ZNF782: variants seen among roughly 807,000 people sequenced by gnomAD.
The protein encoded by ZNF782 is zinc finger protein 782.
A neutral mutation model predicts 13.0 loss-of-function variants in ZNF782; 12 were observed. The observed-to-expected ratio is 0.92, with a 90% CI of 0.59 to 1.50. ZNF782 has a LOEUF of 1.50. Ranked by LOEUF, ZNF782 falls within the 40% of genes most tolerant of loss-of-function variation. ZNF782 has a pLI of 0.00. For synonymous variants in ZNF782, 284 were observed against 283.0 expected, an observed-to-expected ratio of 1.00 and a Z score of -0.04; for missense variants, 770 against 822.9, an observed-to-expected ratio of 0.94 and a Z score of 0.79.
At chr9:96,930,775 G>T in the ZNF782 span, among the ~76,000 whole-genome samples, 1 of 150,628 alleles carries the variant, frequency 6.6e-6, no homozygotes, top group African/African-American at 2.5e-5. Context: ...ACTTGTGTGG[G>T]TGGTGCCAGG....
chr9:96,881,223 G>C, the ZNF782 span, among the ~76,000 whole-genome samples: 1 of 151,800 alleles, frequency 6.6e-6, no homozygotes, highest in Non-Finnish European at 1.5e-5. Context: ...CACAACTTTT[G>C]GGTTGATTTC....
chr9:96,858,400 C>T (rs917144926), upstream of ZNF782, among the ~76,000 whole-genome samples: 7 of 152,170 alleles, frequency 4.6e-5, no homozygotes, highest in African/African-American at 1.4e-4. This position sits in a 1 kb window ranked among gnomAD's most constrained non-coding sequence, Gnocchi z 4.4. Context: ...ACTTTGGGGT[C>T]CTTGAGTTAC....
the ZNF782 span, among the ~76,000 whole-genome samples, chr9:96,911,931 G>A: frequency 3.9e-5 from 6 of 151,970 alleles, 1 homozygote; most frequent in South Asian, 2.1e-4. Context: ...CTGGCATGGC[G>A]GCTCACGCCT....
At chr9:96,833,470 G>A (rs575708388) in intron 4 of ZNF782, among the ~76,000 whole-genome samples, 3 of 152,202 alleles carry the variant, frequency 2.0e-5, no homozygotes, top group South Asian at 4.2e-4. Flanking sequence ...CTTCAGTTTT[G>A]GTTTATCTGA....
chr9:96,819,344 T>C lies in ZNF782; in HGVS notation c.679A>G (p.Lys227Glu). 6.2e-7 allele frequency: 1 copy of C among 1,600,982 alleles called. No homozygotes were observed. The highest frequency in any genetic ancestry group is 8.5e-7 in the Non-Finnish European group (1 of 1,175,534). Residue 227 changes from lysine to glutamate, a missense_variant, in exon 6 of 6, where the codon AAG becomes GAG. Lys to Glu is a moderately conservative substitution (Grantham distance 56). Transcript: ENST00000481138. ...YNESRKAFLE[K>E]AALVTSNSTH... is the part of the protein sequence containing the mutation. ...CTGTTAGATGTAACAAGGGCAGCCT[T>C]TTCAAGAAAAGCTTTTCTACTTTCA...
At chr9:96,861,707 G>C (rs759445745) in intron 1 of ZNF782, 6 of 154,168 alleles carry the variant, frequency 3.9e-5, no homozygotes, top group Non-Finnish European at 8.8e-5. Flanking sequence ...CAAAATTACA[G>C]TGAGGGATCA....
intron 4 of ZNF782, among the ~76,000 whole-genome samples, chr9:96,830,663 T>C (rs1850770823): frequency 6.6e-6 from 1 of 152,148 alleles, no homozygotes; most frequent in Non-Finnish European, 1.5e-5. Context: ...GATCTTATAA[T>C]TTCCAAATAG....
chr9:96,913,848 G>A, the ZNF782 span, among the ~76,000 whole-genome samples: 1 of 145,840 alleles, frequency 6.9e-6, no homozygotes, highest in Admixed American at 7.0e-5. Context: ...TTCTCCTAAG[G>A]TAAAAAAATG....
At chr9:96,872,015 T>A (rs576925998) in intron 1 of ZNF782, among the ~76,000 whole-genome samples, 1 of 152,198 alleles carries the variant, frequency 6.6e-6, no homozygotes, top group Non-Finnish European at 1.5e-5. Flanking sequence ...GATGATCTAA[T>A]ACATTTTATT....
chr9:96,877,997 GCTTGGCAA>G (rs1345019476), upstream of ZNF782, among the ~76,000 whole-genome samples: 1 of 152,158 alleles, frequency 6.6e-6, no homozygotes, highest in African/African-American at 2.4e-5. Flanking sequence ...TTTGTAGTAA[GCTTGGCAA>G]CTTGGCAACT....
At position 96,816,383 on chromosome 9, in the gene ZNF782, CAT is replaced by C. The variant is rs1469685991; in HGVS notation, c.*1538_*1539del. ...TACAGCAATGTTGAGGTCTAAGAAA[CAT>C]AAAACAAATACCTGGTAAGTACCAT... On this transcript the variant is annotated 3_prime_UTR_variant, in exon 6 of 6. Coordinates refer to ENST00000481138, the MANE Select transcript of ZNF782 (RefSeq NM_001001662.3). 15 of 152,270 alleles carry C rather than the reference CAT, an allele frequency of 9.9e-5. No individual in the cohort carries two copies. The East Asian group carries it at 2.9e-3, about 29-fold the overall frequency. The allele number at this position is 152,270 out of a possible 1,614,324, so 9.4% of individuals were successfully genotyped here. A position where few individuals can be genotyped will look rare whatever the true frequency, so the allele number is the denominator to read the frequency against.
the ZNF782 span, among the ~76,000 whole-genome samples, chr9:96,882,388 A>G: frequency 6.6e-6 from 1 of 152,288 alleles, no homozygotes; most frequent in African/African-American, 2.4e-5. Context: ...TGCATATTTC[A>G]TATGATAAAT....
rs2118202006 is a variant in ZNF782 at position 96,816,709 on chromosome 9, T to C, written c.*1214A>G. On this transcript the variant is annotated 3_prime_UTR_variant, in exon 6 of 6. Transcript: ENST00000481138. ...TTACACATTCAAAACTAAATTATCA[T>C]ATATTTAATGAGACTTTGGGTGTGT... 6.6e-6 allele frequency: 1 copy of C among 152,318 alleles called. No homozygotes were observed. The highest frequency in any genetic ancestry group is 1.9e-4 in the East Asian group (1 of 5,194). The allele number at this position is 152,318 out of a possible 1,614,324, so 9.4% of individuals were successfully genotyped here.
At chr9:96,889,239 A>C in the ZNF782 span, 1 of 152,214 alleles carries the variant, frequency 6.6e-6, no homozygotes, top group Non-Finnish European at 1.5e-5. Flanking sequence ...CCTAAAATGC[A>C]GCTTTCAGGA....
intron 2 of ZNF782, 34 bp from the exon 3 acceptor site, chr9:96,852,039 C>A: frequency 7.0e-7 from 1 of 1,432,378 alleles, no homozygotes; most frequent in South Asian, 1.2e-5. Flanking sequence ...CACACGGTCT[C>A]GCCTACCTCA....
At chr9:96,912,428 A>C in the ZNF782 span, among the ~76,000 whole-genome samples, 1 of 140,636 alleles carries the variant, frequency 7.1e-6, no homozygotes, top group Admixed American at 8.0e-5. Flanking sequence ...CGGGAGGCGG[A>C]CATTGCAGTG....
rs1851448020 is a variant in ZNF782 at position 96,850,186 on chromosome 9, T to C, written c.15+1761A>G. ...CTACCCAAAGGAAAAGAAGTCATCA[T>C]AAATGAAAAAGAAACCAGCACACGT... On this transcript the variant is annotated intron_variant, in intron 3 of 5. Coordinates refer to ENST00000481138, the MANE Select transcript of ZNF782 (RefSeq NM_001001662.3). This position sits in a 1 kb window ranked among gnomAD's most constrained non-coding sequence, Gnocchi z 4.3. Among the ~76,000 whole-genome samples the C allele has an allele frequency of 6.6e-6, 1 of 152,144 alleles. No individual in the cohort carries two copies. Among genetic ancestry groups the C allele is most frequent in the Non-Finnish European group, 1.5e-5 (1 of 68,030 alleles).
intron 1 of ZNF782, among the ~76,000 whole-genome samples, chr9:96,865,694 G>A (rs1851747398): frequency 6.6e-6 from 1 of 152,178 alleles, no homozygotes; most frequent in Admixed American, 6.5e-5. Flanking sequence ...GGAGGACTCA[G>A]AAGAAGACAG....
At chr9:96,844,519 T>C (rs1430865173) in intron 4 of ZNF782, among the ~76,000 whole-genome samples, 1 of 152,060 alleles carries the variant, frequency 6.6e-6, no homozygotes, top group African/African-American at 2.4e-5. Context: ...TATATGAAAT[T>C]TGAGAAAAGG....
Sources: gnomAD v4.1 joint callset for allele counts (sites outside exome capture counted in the v4.1 genomes callset) on GRCh38, gnomAD v4.1.1 for gene constraint, Gnocchi (gnomAD v3.1) non-coding constraint, MANE v1.5 for transcripts, NCBI Gene and HGNC (gene_info 2026-07-23, HGNC 2026-07-21) for gene names.